CCDC73: variants seen among roughly 807,000 people sequenced by gnomAD.
The protein encoded by CCDC73 is coiled-coil domain containing 73.
Under a neutral mutation model 116.5 loss-of-function variants are expected in CCDC73, and 95 were observed. The ratio of observed to expected loss-of-function variants is 0.82; its 90% CI spans 0.69 to 0.97. CCDC73 has a LOEUF of 0.97. CCDC73 is among the 50% of genes least tolerant of loss of function. CCDC73 has a pLI of 0.00. For synonymous variants in CCDC73, 398 were observed against 401.3 expected (o/e 0.99, Z 0.10); for missense variants, 1,066 against 1,206.8 (o/e 0.88, Z 1.73).
chr11:32,625,344 C>T (rs1855560867), intron 14 of CCDC73, among the ~76,000 whole-genome samples: 1 of 152,110 alleles, frequency 6.6e-6, no homozygotes, highest in African/African-American at 2.4e-5. Flanking sequence ...GGTTATTTTG[C>T]TCGTTAGTTG....
chr11:32,662,864 A>G (rs1855943846), intron 9 of CCDC73, among the ~76,000 whole-genome samples: 2 of 152,102 alleles, frequency 1.3e-5, no homozygotes, highest in South Asian at 2.1e-4. Context: ...TAATTTTTGT[A>G]TAAGGTGTAA....
At chr11:32,687,096 T>C (rs992762425) in intron 6 of CCDC73, among the ~76,000 whole-genome samples, 1 of 152,228 alleles carries the variant, frequency 6.6e-6, no homozygotes, top group Non-Finnish European at 1.5e-5. Context: ...ATTGAATTTA[T>C]TTTAGTTGGG....
At chr11:32,753,274 A>T (rs1262633198) in intron 2 of CCDC73, among the ~76,000 whole-genome samples, 1 of 144,780 alleles carries the variant, frequency 6.9e-6, no homozygotes, top group Admixed American at 7.0e-5. Context: ...TTTTCTTTGC[A>T]TTTAGTTTTT....
intron 13 of CCDC73, among the ~76,000 whole-genome samples, chr11:32,640,543 T>C (rs1352004644): frequency 6.6e-6 from 1 of 152,192 alleles, no homozygotes; most frequent in African/African-American, 2.4e-5. Flanking sequence ...AAATGTAGAT[T>C]AACTGATGCT....
intron 2 of CCDC73, among the ~76,000 whole-genome samples, chr11:32,742,414 G>A (rs1850196521): frequency 6.6e-6 from 1 of 152,200 alleles, no homozygotes; most frequent in East Asian, 1.9e-4. Context: ...CAGCAATGAT[G>A]AGCATATTTT....
At chr11:32,821,370 C>T in the CCDC73 span, among the ~76,000 whole-genome samples, 2 of 152,146 alleles carry the variant, frequency 1.3e-5, no homozygotes, top group African/African-American at 4.8e-5. Context: ...AATTTCCTGA[C>T]ATAAGTATTT....
chr11:32,771,372 C>T (rs1457945649), intron 1 of CCDC73, among the ~76,000 whole-genome samples: 1 of 152,148 alleles, frequency 6.6e-6, no homozygotes, highest in African/African-American at 2.4e-5. Context: ...TAGGGGACCA[C>T]TCCCGGGTTG....
At chr11:32,796,584 C>T (rs1393649633), upstream of CCDC73, among the ~76,000 whole-genome samples, 1 of 152,140 alleles carries the variant, frequency 6.6e-6, no homozygotes, top group Non-Finnish European at 1.5e-5. Flanking sequence ...ATGATCAGTG[C>T]TATGGTTTGA....
intron 2 of CCDC73, among the ~76,000 whole-genome samples, chr11:32,738,414 T>C (rs546896751): frequency 2.0e-5 from 3 of 152,302 alleles, no homozygotes; most frequent in Non-Finnish European, 4.4e-5. Context: ...GGTGAGATGG[T>C]ATCTCATTGT....
At chr11:32,683,332 T>C in intron 7 of CCDC73, 3 of 554,808 alleles carry the variant, frequency 5.4e-6, no homozygotes, top group South Asian at 3.7e-5. Context: ...ATAAGTACTA[T>C]GTAATCTCGA....
chr11:32,796,676 A>AT (rs556758480), upstream of CCDC73, among the ~76,000 whole-genome samples: 43 of 152,246 alleles, frequency 2.8e-4, no homozygotes, highest in South Asian at 7.5e-3. Context: ...TTAGGAGACG[A>AT]TTGAGTCATG....
chr11:32,637,959 T>C (rs1855697301), intron 13 of CCDC73, among the ~76,000 whole-genome samples: 1 of 152,228 alleles, frequency 6.6e-6, no homozygotes, highest in Admixed American at 6.5e-5. Context: ...TTAAACTCAT[T>C]ATTTTCATCC....
At chr11:32,686,251 A>G (rs1204472294) in intron 6 of CCDC73, among the ~76,000 whole-genome samples, 2 of 146,616 alleles carry the variant, frequency 1.4e-5, no homozygotes, top group Admixed American at 6.9e-5. Context: ...GGAAAAAGAG[A>G]GTTGTCATTA....
At chr11:32,645,542 G>A (rs745440859) in intron 12 of CCDC73, among the ~76,000 whole-genome samples, 20 of 151,848 alleles carry the variant, frequency 1.3e-4, no homozygotes, top group Non-Finnish European at 2.6e-4. Flanking sequence ...GCCCGCCTTG[G>A]CCTCCCAAAG....
chr11:32,685,433 A>C (rs1856188307), intron 6 of CCDC73, among the ~76,000 whole-genome samples: 1 of 152,146 alleles, frequency 6.6e-6, no homozygotes, highest in African/African-American at 2.4e-5. Flanking sequence ...TTTCTGAGAT[A>C]GCAAATTCTG....
At chr11:32,795,474 AAAAAAG>A (rs1850718018), upstream of CCDC73, among the ~76,000 whole-genome samples, 1 of 113,166 alleles carries the variant, frequency 8.8e-6, no homozygotes, top group African/African-American at 3.1e-5. Flanking sequence ...CTGTCAAAAA[AAAAAAG>A]AAAAGAAAAG....
rs1258803815 is a variant in CCDC73 at position 32,614,535 on chromosome 11, C to T, written c.1783G>A (p.Val595Ile). 1 of 1,613,114 alleles carries T rather than the reference C, an allele frequency of 6.2e-7. No individual in the cohort carries two copies. Among genetic ancestry groups the T allele is most frequent in the East Asian group, 2.2e-5 (1 of 44,798 alleles). ...HNTYHNNNKD[V>I]SENEPFKQFR... ...TGTTTGAATGGCTCATTTTCAGAAA[C>T]ATCTTTATTATTATTGTGATATGTA... is the stretch of plus-strand genomic sequence containing the variant. The change falls in exon 16 of 18, where the codon GTT (valine) becomes ATT (isoleucine). Residue 595 changes from valine to isoleucine, a missense_variant. Val to Ile is a conservative substitution (Grantham distance 29, BLOSUM62 3). Coordinates refer to ENST00000335185, the MANE Select transcript of CCDC73 (RefSeq NM_001008391.4).
chr11:32,811,088 AAC>A, the CCDC73 span, among the ~76,000 whole-genome samples: 3 of 151,326 alleles, frequency 2.0e-5, no homozygotes, highest in African/African-American at 4.9e-5. Context: ...AAAAAAAAAA[AAC>A]CTCTTCTGAG....
chr11:32,607,601 T>C (rs907241976), intron 17 of CCDC73, among the ~76,000 whole-genome samples: 1 of 152,128 alleles, frequency 6.6e-6, no homozygotes, highest in African/African-American at 2.4e-5. Context: ...TCAAGCTTCA[T>C]GTTTGTTTTG....
Sources: allele counts gnomAD v4.1 joint callset (sites outside exome capture counted in the v4.1 genomes callset), GRCh38; gene constraint gnomAD v4.1.1; transcripts MANE v1.5; gene names NCBI Gene and HGNC (gene_info 2026-07-23, HGNC 2026-07-21).